Variants in KCNMA1 observed in about 807,000 individuals in gnomAD.
The protein encoded by KCNMA1 is Calcium-activated potassium channel subunit alpha-1.
Under a neutral mutation model 140.0 loss-of-function variants are expected in KCNMA1, and 29 were observed. The observed-to-expected ratio is 0.21, with a 90% CI of 0.15 to 0.28. KCNMA1 has a LOEUF of 0.28. Ranked by LOEUF, KCNMA1 falls within the 10% of genes least tolerant of loss-of-function variation. The probability of loss-of-function intolerance (pLI) is 1.00; values close to 1 mark genes in which losing one functional copy is unlikely to be tolerated. For missense variants in KCNMA1, 880 were observed against 1,602.2 expected, an observed-to-expected ratio of 0.55 and a Z score of 7.70; for synonymous variants, 612 against 611.9, an observed-to-expected ratio of 1.00 and a Z score of 0.00.
chr10:77,010,608 G>C (rs2090474194), intron 18 of KCNMA1, among the ~76,000 whole-genome samples: 2 of 151,954 alleles, frequency 1.3e-5, no homozygotes, highest in African/African-American at 4.8e-5. Context: ...CACCCTGAGG[G>C]GATTTCTGCA....
At chr10:77,464,715 ACT>A (rs2097949645) in intron 1 of KCNMA1, among the ~76,000 whole-genome samples, 1 of 151,970 alleles carries the variant, frequency 6.6e-6, no homozygotes, top group Non-Finnish European at 1.5e-5. Flanking sequence ...TCTAAGAGAA[ACT>A]CTTTTAAGTA....
intron 18 of KCNMA1, among the ~76,000 whole-genome samples, chr10:77,007,670 T>TATAC (rs2089450039): frequency 6.9e-6 from 1 of 145,168 alleles, no homozygotes; most frequent in African/African-American, 2.5e-5. Context: ...TATATATATA[T>TATAC]ATATATGTAT....
chr10:77,120,781 T>C (rs1383207649), intron 6 of KCNMA1, among the ~76,000 whole-genome samples, 192 bp downstream of exon 6: 1 of 152,140 alleles, frequency 6.6e-6, no homozygotes, highest in South Asian at 2.1e-4. Flanking sequence ...TTTCACCACA[T>C]AGTTCCCTGG....
intron 1 of KCNMA1, among the ~76,000 whole-genome samples, chr10:77,552,312 T>C (rs2063052252): frequency 6.6e-6 from 1 of 152,200 alleles, no homozygotes. Flanking sequence ...CTGGTTTGAA[T>C]CTTAATTTCT....
chr10:77,012,060 G>A lies in KCNMA1; in HGVS notation c.2016-17C>T. The A allele has an allele frequency of 6.2e-7, 1 of 1,613,382 alleles. No individual in the cohort carries two copies. The highest frequency in any genetic ancestry group is 8.5e-7 in the Non-Finnish European group (1 of 1,179,684). Reference sequence around the variant, plus strand: ...AAAAATGCCCTGGAGAAAGAGAATGGAAAAACTGACACGTTTCATAATCCA... The same window carrying A: ...AAAAATGCCCTGGAGAAAGAGAATGAAAAAACTGACACGTTTCATAATCCA... On this transcript the variant is annotated splice_polypyrimidine_tract_variant and intron_variant, in intron 17 of 27. Coordinates refer to ENST00000286628, the MANE Select transcript of KCNMA1 (RefSeq NM_001161352.2).
intron 2 of KCNMA1, among the ~76,000 whole-genome samples, chr10:77,256,066 G>C (rs2060682110): frequency 1.3e-5 from 2 of 152,170 alleles, no homozygotes; most frequent in Non-Finnish European, 2.9e-5. Context: ...CAAGGTTCAT[G>C]AAAGTTCATG....
chr10:76,938,703 G>A (rs900993168), intron 23 of KCNMA1, among the ~76,000 whole-genome samples: 3 of 152,064 alleles, frequency 2.0e-5, no homozygotes, highest in Non-Finnish European at 4.4e-5. Flanking sequence ...ATTCCTCAAT[G>A]CCCAACCCAC....
intron 3 of KCNMA1, among the ~76,000 whole-genome samples, chr10:77,225,699 CCTT>C (rs1727246899): frequency 6.6e-6 from 1 of 152,188 alleles, no homozygotes; most frequent in Non-Finnish European, 1.5e-5. Flanking sequence ...GCCTTTGTGG[CCTT>C]CTTCCTGTGG....
At chr10:77,552,941 G>A (rs2063212144) in intron 1 of KCNMA1, among the ~76,000 whole-genome samples, 1 of 152,070 alleles carries the variant, frequency 6.6e-6, no homozygotes, top group Non-Finnish European at 1.5e-5. Context: ...CCCAGCTACT[G>A]GGGAGGCTGG....
At chr10:76,897,102 T>C (rs1303416351) in intron 25 of KCNMA1, among the ~76,000 whole-genome samples, 3 of 151,744 alleles carry the variant, frequency 2.0e-5, no homozygotes, top group Non-Finnish European at 2.9e-5. Flanking sequence ...GAGAAAGATA[T>C]AGGGATTTTT....
At chr10:76,910,889 G>A (rs562161102) in intron 24 of KCNMA1, 14 of 152,754 alleles carry the variant, frequency 9.2e-5, no homozygotes, top group South Asian at 6.2e-4. Context: ...GACTCCTCCC[G>A]CATGTACGTG....
chr10:77,542,565 G>A (rs2060430230), intron 1 of KCNMA1, among the ~76,000 whole-genome samples: 1 of 152,194 alleles, frequency 6.6e-6, no homozygotes, highest in Non-Finnish European at 1.5e-5. Context: ...GCTCTGTGTT[G>A]AGCCTAGGAA....
At chr10:76,958,194 A>G (rs1314888429) in intron 20 of KCNMA1, among the ~76,000 whole-genome samples, 1 of 152,188 alleles carries the variant, frequency 6.6e-6, no homozygotes, top group African/African-American at 2.4e-5. Flanking sequence ...AGGGATCCCA[A>G]CATCTTCAGT....
intron 12 of KCNMA1, 135 bp from the exon 13 acceptor site, chr10:77,079,685 G>A (rs1477941501): frequency 2.8e-6 from 2 of 710,282 alleles, no homozygotes; most frequent in Non-Finnish European, 5.1e-6. Flanking sequence ...CAGAGGCAGG[G>A]CTCAGATACC....
At chr10:77,491,714 T>TACACAC (rs3071912) in intron 1 of KCNMA1, among the ~76,000 whole-genome samples, 2,855 of 145,542 alleles carry the variant, frequency 0.02, 36 homozygotes, top group Non-Finnish European at 0.027. Flanking sequence ...TTAGAAGTCA[T>TACACAC]ACACACACAC....
intron 2 of KCNMA1, among the ~76,000 whole-genome samples, chr10:77,362,886 C>A (rs1178102543): frequency 6.6e-6 from 1 of 152,212 alleles, no homozygotes; most frequent in Non-Finnish European, 1.5e-5. Flanking sequence ...ATCCCACAAG[C>A]AGGCTGAAGT....
At chr10:76,953,977 T>A in intron 20 of KCNMA1, 53 bp from the exon 21 acceptor site, 1 of 1,591,730 alleles carries the variant, frequency 6.3e-7, no homozygotes, top group Non-Finnish European at 8.6e-7. Flanking sequence ...AAATTATAAA[T>A]GGAAAGTGCC....
rs1461391708 is a variant in KCNMA1 at position 77,001,502 on chromosome 10, A to G, written c.2171T>C (p.Met724Thr). The G allele has an allele frequency of 6.4e-7, 1 of 1,551,984 alleles. No individual in the cohort carries two copies. The highest frequency in any genetic ancestry group is 8.7e-7 in the Non-Finnish European group (1 of 1,146,894). The change falls in exon 19 of 28, where the codon ATG becomes ACG. Residue 724 changes from methionine (M) to threonine (T), a missense_variant. This residue lies in a region of KCNMA1 where 196 missense variants were observed against 233.0 expected (regional missense o/e 0.84). Coordinates refer to ENST00000286628, the MANE Select transcript of KCNMA1 (RefSeq NM_001161352.2). ...CGRSERDCSCMSGRVRGNVDT... is the reference protein window; with the variant it reads ...CGRSERDCSCTSGRVRGNVDT... The stretch of plus-strand genomic sequence containing the variant: ...CACGTTACCACGCACACGGCCTGAC[A>G]TGCATGAGCAGTCACGCTCAGAACG...
chr10:76,887,158 A>G lies in KCNMA1; in HGVS notation c.*108T>C. 3 of 1,610,530 alleles carry G rather than the reference A, an allele frequency of 1.9e-6. No individual in the cohort carries two copies. The highest frequency in any genetic ancestry group is 8.5e-7 in the Non-Finnish European group (1 of 1,179,622). On this transcript the variant is annotated 3_prime_UTR_variant, in exon 28 of 28. Transcript: ENST00000286628. Reference sequence around the variant, plus strand: ...ATACATATGCAAATATGTGTAAAAAAAAAGGGGGGGACTACAGGGGAAAAC... The same window carrying G: ...ATACATATGCAAATATGTGTAAAAAGAAAGGGGGGGACTACAGGGGAAAAC...
Sources: gnomAD v4.1 joint callset for allele counts (sites outside exome capture counted in the v4.1 genomes callset) on GRCh38, gnomAD v4.1.1 for gene constraint, gnomAD v4.1.1 regional missense constraint, MANE v1.5 for transcripts, NCBI Gene and HGNC (gene_info 2026-07-23, HGNC 2026-07-21) for gene names.